UTRN: variants seen among roughly 807,000 people sequenced by gnomAD.
UTRN encodes utrophin.
UTRN carries 283 observed loss-of-function variants against 463.9 expected under a neutral mutation model. The ratio of observed to expected loss-of-function variants is 0.61; its 90% CI spans 0.55 to 0.67. UTRN has a LOEUF of 0.67. Ranked by LOEUF, UTRN falls within the 30% of genes least tolerant of loss-of-function variation. The pLI is 0.00. For synonymous variants in UTRN, 1,442 were observed against 1,431.5 expected (o/e 1.01, Z -0.17); for missense variants, 3,922 against 4,084.3 (o/e 0.96, Z 1.08).
At chr6:144,298,811 TAA>T (rs1314420756) in intron 2 of UTRN, among the ~76,000 whole-genome samples, 1 of 152,178 alleles carries the variant, frequency 6.6e-6, no homozygotes, top group Non-Finnish European at 1.5e-5. Context: ...AGGAATCCAA[TAA>T]AAAATATGAC....
At chr6:144,627,796 G>GT (rs34178832) in intron 51 of UTRN, among the ~76,000 whole-genome samples, 1,700 of 112,088 alleles carry the variant, frequency 0.015, 50 homozygotes, top group East Asian at 0.095. Flanking sequence ...TTCCTTCTGT[G>GT]TTTTTTTTTT....
At chr6:144,295,533 C>T (rs974863207) in intron 2 of UTRN, among the ~76,000 whole-genome samples, 9 of 152,220 alleles carry the variant, frequency 5.9e-5, no homozygotes, top group African/African-American at 1.7e-4. Flanking sequence ...GTTCTTCAAG[C>T]GACCTTGGGC....
Position 144,453,824 on chromosome 6 carries a change from G to T in UTRN, c.2239G>T (p.Glu747Ter), listed in dbSNP as rs970416336. The T allele has an allele frequency of 2.5e-6, 4 of 1,613,678 alleles. No individual in the cohort carries two copies. Among genetic ancestry groups the T allele is most frequent in the Non-Finnish European group, 3.4e-6 (4 of 1,179,762 alleles). ...GAGAGAAAGAATCCCCAGAGCAGATGAATTAAACCAAACTGGACAAATCCT... is the reference window on the plus strand; with the variant it reads ...GAGAGAAAGAATCCCCAGAGCAGATTAATTAAACCAAACTGGACAAATCCT... ...EQRERIPRAD[E>*]LNQTGQILVE... The change falls in exon 19 of 75, where the codon GAA becomes TAA. Residue 747 changes from glutamate (E) to a stop codon, truncating the protein, a stop_gained. Coordinates refer to ENST00000367545, the MANE Select transcript of UTRN (RefSeq NM_007124.3). LOFTEE classifies it high-confidence loss of function.
At position 144,544,995 on chromosome 6, in the gene UTRN, C is replaced by T. The variant is rs560568878; in HGVS notation, c.6595+2125C>T. Among the ~76,000 whole-genome samples, 13 of 152,238 alleles carry T rather than the reference C, an allele frequency of 8.5e-5. No individual in the cohort carries two copies. In the East Asian group the frequency reaches 2.5e-3, roughly 29 times the overall value. ...ACATAACATTGGATATACTACAATC[C>T]TCTAAATTCTCTTTTCTACCTATGC... On this transcript the variant is annotated intron_variant, in intron 46 of 74. Coordinates refer to ENST00000367545, the MANE Select transcript of UTRN (RefSeq NM_007124.3).
chr6:144,502,940 A>C (rs889340407), intron 34 of UTRN, among the ~76,000 whole-genome samples: 1 of 152,196 alleles, frequency 6.6e-6, no homozygotes, highest in Non-Finnish European at 1.5e-5. Flanking sequence ...AATAATCGCT[A>C]TTCTACCTGG....
chr6:144,824,614 C>CTCTCTCTCTTT (rs1315487327), intron 66 of UTRN, among the ~76,000 whole-genome samples: 9 of 30,878 alleles, frequency 2.9e-4, no homozygotes, highest in African/African-American at 9.5e-4. Flanking sequence ...ATATATATAT[C>CTCTCTCTCTTT]TTTTTTTTTT....
chr6:144,729,064 G>GTAAC (rs1019863053), intron 53 of UTRN, among the ~76,000 whole-genome samples: 3 of 152,218 alleles, frequency 2.0e-5, no homozygotes, highest in Admixed American at 6.5e-5. Context: ...CTTGAGGAGG[G>GTAAC]TAACGGGTGG....
chr6:144,646,831 T>A (rs1222287522), intron 51 of UTRN, among the ~76,000 whole-genome samples: 1 of 152,200 alleles, frequency 6.6e-6, no homozygotes, highest in East Asian at 1.9e-4. Flanking sequence ...TTTAAACACA[T>A]TTTAAAATGG....
intron 51 of UTRN, among the ~76,000 whole-genome samples, 180 bp downstream of exon 51, chr6:144,577,468 GT>G (rs1366804578): frequency 1.3e-5 from 2 of 152,080 alleles, no homozygotes; most frequent in Admixed American, 1.3e-4. Flanking sequence ...TTTACTTAAT[GT>G]TAGAGGGGAA....
chr6:144,627,098 G>A (rs148189785), intron 51 of UTRN, among the ~76,000 whole-genome samples: 2 of 151,670 alleles, frequency 1.3e-5, no homozygotes, highest in African/African-American at 4.8e-5. Context: ...TGTGCACTAC[G>A]CGGCAGATGG....
chr6:144,805,520 T>C (rs1196860764), intron 65 of UTRN, among the ~76,000 whole-genome samples: 2 of 151,978 alleles, frequency 1.3e-5, no homozygotes, highest in African/African-American at 2.4e-5. Context: ...GTGGTCTGAG[T>C]TGGGAAAAAG....
At chr6:144,686,611 T>C (rs1161345692) in intron 52 of UTRN, among the ~76,000 whole-genome samples, 1 of 152,204 alleles carries the variant, frequency 6.6e-6, no homozygotes, top group East Asian at 1.9e-4. Context: ...TAGTATCTTC[T>C]TGTTGGATTG....
At chr6:144,647,935 G>T (rs1452852527) in intron 51 of UTRN, among the ~76,000 whole-genome samples, 3 of 152,140 alleles carry the variant, frequency 2.0e-5, no homozygotes, top group Non-Finnish European at 4.4e-5. Flanking sequence ...ATTTTCTTAG[G>T]GACCCTATTG....
chr6:144,376,068 T>A (rs1341271920), intron 2 of UTRN, among the ~76,000 whole-genome samples: 2 of 152,062 alleles, frequency 1.3e-5, no homozygotes, highest in Non-Finnish European at 2.9e-5. Context: ...CTTCCTGCAG[T>A]CTTGAACTCT....
chr6:144,654,144 G>C (rs1393023935), intron 51 of UTRN, among the ~76,000 whole-genome samples: 1 of 152,206 alleles, frequency 6.6e-6, no homozygotes, highest in African/African-American at 2.4e-5. Flanking sequence ...CTGGTTATTG[G>C]TGATATTAGT....
At chr6:144,447,910 T>G (rs1465736558) in intron 16 of UTRN, 129 bp downstream of exon 16, 13 of 833,968 alleles carry the variant, frequency 1.6e-5, no homozygotes, top group Middle Eastern at 3.6e-4. Context: ...AAAATTGACA[T>G]GTGAAAATCA....
chr6:144,414,389 T>C (rs1784192472), intron 3 of UTRN, among the ~76,000 whole-genome samples: 1 of 152,184 alleles, frequency 6.6e-6, no homozygotes. Context: ...GTTTTAAAAA[T>C]TGAAAAAGCC....
chr6:144,839,125 T>A, intron 71 of UTRN, 48 bp from the exon 72 acceptor site: 1 of 1,450,412 alleles, frequency 6.9e-7, no homozygotes, highest in Non-Finnish European at 9.7e-7. Flanking sequence ...TTTTTCCTTA[T>A]GATTATTTGA....
intron 45 of UTRN, among the ~76,000 whole-genome samples, chr6:144,541,331 C>G (rs961085888): frequency 1.9e-4 from 29 of 152,202 alleles, no homozygotes; most frequent in African/African-American, 7.0e-4. Flanking sequence ...GAAAGGTTGT[C>G]CATATTCAGT....
Sources: gnomAD v4.1 joint callset for allele counts (sites outside exome capture counted in the v4.1 genomes callset) on GRCh38, gnomAD v4.1.1 for gene constraint, MANE v1.5 for transcripts, NCBI Gene and HGNC (gene_info 2026-07-23, HGNC 2026-07-21) for gene names.